The following HIPK1 variants were observed in gnomAD, a reference collection of about 807,000 sequenced individuals.
HIPK1 encodes the protein homeodomain interacting protein kinase 1, also known as homeodomain-interacting protein kinase 1.
A neutral mutation model predicts 117.1 loss-of-function variants in HIPK1; 28 were observed. That is an observed-to-expected ratio of 0.24 (90% CI 0.18 to 0.33). The LOEUF (loss-of-function observed/expected upper bound fraction) is 0.33, where lower values mean the gene tolerates loss of function less well. HIPK1 is among the 10% of genes least tolerant of loss of function. The probability of loss-of-function intolerance (pLI) is 1.00; values close to 1 mark genes in which losing one functional copy is unlikely to be tolerated. For missense variants in HIPK1, 1,122 were observed against 1,475.1 expected, an observed-to-expected ratio of 0.76 and a Z score of 3.92; for synonymous variants, 605 against 562.5, an observed-to-expected ratio of 1.08 and a Z score of -1.07.
chr1:113,940,908 C>G lies in HIPK1; in HGVS notation c.525C>G (p.Tyr175Ter), dbSNP rs1188112831. Residue 175 changes from tyrosine (Y) to a stop codon, truncating the protein, a stop_gained, in exon 2 of 16, where the codon TAC (tyrosine) becomes TAG (stop). Transcript: ENST00000426820. LOFTEE classifies it high-confidence loss of function. Reference sequence around the variant, plus strand: ...GCAGTTCCAGCGGAGAAGGGGATTACCAGCTGGTCCAGCATGAGATCCTTT... The same window carrying G: ...GCAGTTCCAGCGGAGAAGGGGATTAGCAGCTGGTCCAGCATGAGATCCTTT... ...KSSSSSGEGD[Y>*]QLVQHEILCS... is the part of the protein sequence containing the mutation. 1 of 1,614,026 alleles carries G rather than the reference C, an allele frequency of 6.2e-7. No individual in the cohort carries two copies.
chr1:113,961,260 A>T (rs973870469), intron 8 of HIPK1, among the ~76,000 whole-genome samples: 1 of 152,208 alleles, frequency 6.6e-6, no homozygotes, highest in African/African-American at 2.4e-5. Flanking sequence ...TATTGTTATA[A>T]AGGCACTGTT....
intron 2 of HIPK1, among the ~76,000 whole-genome samples, chr1:113,943,325 T>C (rs1431916678): frequency 6.6e-6 from 1 of 152,372 alleles, no homozygotes; most frequent in African/African-American, 2.4e-5. Context: ...TTGATTTGAC[T>C]TTCTGTCTCT....
chr1:113,958,029 TA>T lies in HIPK1; in HGVS notation c.1756-35del, dbSNP rs1256991957. On this transcript the variant is annotated intron_variant, in intron 7 of 15. Transcript: ENST00000426820. The stretch of plus-strand genomic sequence containing the variant: ...TATAAAATTATTGTGTGTCTCTACT[TA>T]ATACAAGTGTACAAATATAATCCTT... 11 of 1,400,672 alleles carry T rather than the reference TA, an allele frequency of 7.9e-6. 1 individual carries two copies. In the South Asian group the frequency reaches 1.3e-4, roughly 16 times the overall value. The allele number at this position is 1,400,672 out of a possible 1,614,324, so 86.8% of individuals were successfully genotyped here. A position where few individuals can be genotyped will look rare whatever the true frequency, so the allele number is the denominator to read the frequency against.
intron 1 of HIPK1, among the ~76,000 whole-genome samples, chr1:113,930,234 C>T (rs1350344639): frequency 1.3e-5 from 2 of 152,376 alleles, no homozygotes; most frequent in East Asian, 1.9e-4. Flanking sequence ...GACAGGGGAC[C>T]GCCTTGCGTC....
At chr1:113,954,234 A>T (rs1176367745) in intron 3 of HIPK1, among the ~76,000 whole-genome samples, 2 of 152,164 alleles carry the variant, frequency 1.3e-5, no homozygotes, top group African/African-American at 2.4e-5. Flanking sequence ...AAGTACTGGG[A>T]TTACAGGTGT....
At chr1:113,930,291 G>A (rs1401899475) in intron 1 of HIPK1, among the ~76,000 whole-genome samples, 1 of 152,254 alleles carries the variant, frequency 6.6e-6, no homozygotes, top group Non-Finnish European at 1.5e-5. Context: ...CAGGTTCCCA[G>A]TGTGTGGCTT....
At chr1:113,931,401 A>G (rs1669888923) in intron 1 of HIPK1, among the ~76,000 whole-genome samples, 1 of 152,174 alleles carries the variant, frequency 6.6e-6, no homozygotes, top group Non-Finnish European at 1.5e-5. Context: ...TCCTGGCTTG[A>G]AAGATATTTT....
At chr1:113,971,635 A>C (rs1345589353) in intron 14 of HIPK1, among the ~76,000 whole-genome samples, 189 bp from the exon 15 acceptor site, 1 of 152,220 alleles carries the variant, frequency 6.6e-6, no homozygotes, top group Non-Finnish European at 1.5e-5. Flanking sequence ...CATTTTGAGG[A>C]TCCTATGTGG....
chr1:113,968,872 T>C (rs933578306), intron 13 of HIPK1, among the ~76,000 whole-genome samples: 2 of 152,068 alleles, frequency 1.3e-5, no homozygotes, highest in Admixed American at 6.6e-5. Context: ...AATACAAAAA[T>C]TAGCAGGGCG....
At chr1:113,940,135 G>A (rs1670553218) in intron 1 of HIPK1, among the ~76,000 whole-genome samples, 1 of 151,862 alleles carries the variant, frequency 6.6e-6, no homozygotes, top group South Asian at 2.1e-4. Context: ...CTTAAAATGT[G>A]GTAGACAATT....
intron 2 of HIPK1, among the ~76,000 whole-genome samples, chr1:113,942,468 G>A (rs932648123): frequency 3.3e-5 from 5 of 152,146 alleles, no homozygotes; most frequent in Admixed American, 6.5e-5. Flanking sequence ...GTAAAATAAC[G>A]TGGGAATAAC....
At chr1:113,940,334 T>A in intron 1 of HIPK1, 48 bp from the exon 2 acceptor site, 3 of 1,471,920 alleles carry the variant, frequency 2.0e-6, no homozygotes, top group Non-Finnish European at 2.8e-6. Flanking sequence ...AATCTAAGCC[T>A]TGTATCTTTT....
At chr1:113,970,318 C>G (rs1672736851) in intron 14 of HIPK1, 121 bp downstream of exon 14, 1 of 983,516 alleles carries the variant, frequency 1.0e-6, no homozygotes, top group Non-Finnish European at 1.5e-6. Flanking sequence ...CTTAAAGAGA[C>G]CTTAATTCAG....
intron 1 of HIPK1, among the ~76,000 whole-genome samples, chr1:113,935,053 G>T (rs1670165786): frequency 6.6e-6 from 1 of 150,664 alleles, no homozygotes; most frequent in Admixed American, 6.6e-5. Flanking sequence ...TAGGTTCAGG[G>T]GTACATGTGC....
chr1:113,931,646 AAAG>A (rs1669905245), intron 1 of HIPK1, among the ~76,000 whole-genome samples: 2 of 152,236 alleles, frequency 1.3e-5, no homozygotes, highest in African/African-American at 4.8e-5. Flanking sequence ...AAAGAAAAAA[AAAG>A]AAGAGATAAT....
At chr1:113,947,187 C>T (rs1372066958) in intron 2 of HIPK1, among the ~76,000 whole-genome samples, 1 of 152,148 alleles carries the variant, frequency 6.6e-6, no homozygotes. Flanking sequence ...CTAAATGATT[C>T]AGGCAGTGGA....
chr1:113,941,461 C>T lies in HIPK1; in HGVS notation c.1076+2C>T. The T allele has an allele frequency of 3.1e-6, 5 of 1,605,284 alleles. No individual in the cohort carries two copies. The highest frequency in any genetic ancestry group is 1.1e-5 in the South Asian group (1 of 90,564). ...CTACTTACAGTCACGTTACTACAGGCAAGTGGCAAATGCTGAAAATCGTAT... is the reference window on the plus strand; with the variant it reads ...CTACTTACAGTCACGTTACTACAGGTAAGTGGCAAATGCTGAAAATCGTAT... On this transcript the variant is annotated splice_donor_variant, in intron 2 of 15. Coordinates refer to ENST00000426820, the MANE Select transcript of HIPK1 (RefSeq NM_198268.3). LOFTEE classifies it low-confidence loss of function (GC_TO_GT_DONOR). This position sits in a 1 kb window ranked among gnomAD's most constrained non-coding sequence, Gnocchi z 4.9.
intron 2 of HIPK1, among the ~76,000 whole-genome samples, chr1:113,950,134 TA>T (rs1671252147): frequency 6.6e-6 from 1 of 152,194 alleles, no homozygotes; most frequent in African/African-American, 2.4e-5. Flanking sequence ...TTTTTTCTTC[TA>T]TGCCTAGTTT....
intron 9 of HIPK1, among the ~76,000 whole-genome samples, chr1:113,962,984 G>C (rs935069463): frequency 1.3e-5 from 2 of 152,130 alleles, no homozygotes; most frequent in Non-Finnish European, 2.9e-5. Flanking sequence ...TAAGATGATA[G>C]AGAAAATTGT....
Sources: allele counts gnomAD v4.1 joint callset (sites outside exome capture counted in the v4.1 genomes callset), GRCh38; gene constraint gnomAD v4.1.1; non-coding constraint Gnocchi (gnomAD v3.1); transcripts MANE v1.5; gene names NCBI Gene and HGNC (gene_info 2026-07-23, HGNC 2026-07-21).